The following ADAMTSL1 variants were observed in gnomAD, a reference collection of about 807,000 sequenced individuals.
The protein encoded by ADAMTSL1 is ADAMTS-like protein 1.
Under a neutral mutation model 201.8 loss-of-function variants are expected in ADAMTSL1, and 126 were observed. The observed-to-expected ratio is 0.62, with a 90% CI of 0.54 to 0.72. The LOEUF (loss-of-function observed/expected upper bound fraction) is 0.72, where lower values mean the gene tolerates loss of function less well. ADAMTSL1 is among the 30% of genes least tolerant of loss of function. The probability of loss-of-function intolerance (pLI) is 0.00; values close to 1 mark genes in which losing one functional copy is unlikely to be tolerated. For synonymous variants in ADAMTSL1, 1,121 were observed against 903.4 expected (o/e 1.24, Z -4.32); for missense variants, 2,679 against 2,277.8 (o/e 1.18, Z -3.59).
intron 1 of ADAMTSL1, among the ~76,000 whole-genome samples, chr9:18,134,271 T>C (rs1196275164): frequency 6.6e-6 from 1 of 152,160 alleles, no homozygotes; most frequent in African/African-American, 2.4e-5. Context: ...GGATGTCCGG[T>C]GTGCTGCTAC....
chr9:18,087,530 T>C (rs1823819376), intron 1 of ADAMTSL1, among the ~76,000 whole-genome samples: 1 of 152,130 alleles, frequency 6.6e-6, no homozygotes, highest in Non-Finnish European at 1.5e-5. Context: ...AAATGTACTT[T>C]CTTATTAATA....
intron 19 of ADAMTSL1, among the ~76,000 whole-genome samples, chr9:18,785,663 A>G (rs1429531151): frequency 6.6e-6 from 1 of 152,222 alleles, no homozygotes; most frequent in Non-Finnish European, 1.5e-5. Context: ...AGCTAACTCC[A>G]GTCTGCTTTT....
intron 2 of ADAMTSL1, among the ~76,000 whole-genome samples, chr9:18,182,333 T>C (rs1219470032): frequency 6.6e-6 from 1 of 150,724 alleles, no homozygotes; most frequent in East Asian, 1.9e-4. Flanking sequence ...TTACACAATA[T>C]ACTAAAAACT....
At chr9:18,638,383 T>C (rs1827231753) in intron 6 of ADAMTSL1, among the ~76,000 whole-genome samples, 1 of 152,104 alleles carries the variant, frequency 6.6e-6, no homozygotes, top group Non-Finnish European at 1.5e-5. Context: ...AAACCAAACG[T>C]TCTTGTCAAG....
intron 25 of ADAMTSL1, 115 bp downstream of exon 25, chr9:18,889,863 G>A (rs2131549063): frequency 3.7e-6 from 4 of 1,091,984 alleles, no homozygotes; most frequent in Admixed American, 3.7e-5. Flanking sequence ...GCCAGCCAAG[G>A]AGCTGTTCTT....
At chr9:17,931,969 T>A (rs191965900) in intron 1 of ADAMTSL1, among the ~76,000 whole-genome samples, 1 of 152,292 alleles carries the variant, frequency 6.6e-6, no homozygotes, top group Non-Finnish European at 1.5e-5. Flanking sequence ...AAGACCGCAA[T>A]GTAGAGGCTG....
chr9:18,475,045 A>AACATTT (rs1036588225), intron 1 of ADAMTSL1, among the ~76,000 whole-genome samples: 7 of 152,166 alleles, frequency 4.6e-5, no homozygotes, highest in African/African-American at 1.7e-4. Context: ...GCAGAAAATG[A>AACATTT]ACATTTACTG....
At chr9:18,217,562 T>A (rs879672734) in intron 2 of ADAMTSL1, among the ~76,000 whole-genome samples, 5 of 152,156 alleles carry the variant, frequency 3.3e-5, no homozygotes, top group Admixed American at 1.3e-4. Context: ...ATCTCCCTAC[T>A]TCCTACCATC....
At chr9:18,433,766 A>C (rs1206923454) in intron 2 of ADAMTSL1, among the ~76,000 whole-genome samples, 3 of 152,202 alleles carry the variant, frequency 2.0e-5, no homozygotes, top group African/African-American at 2.4e-5. Context: ...GTAGACTAGG[A>C]AAGTTTTCAA....
chr9:18,888,181 C>G, intron 24 of ADAMTSL1, 138 bp downstream of exon 24: 1 of 877,348 alleles, frequency 1.1e-6, no homozygotes, highest in Non-Finnish European at 1.7e-6. Flanking sequence ...GCCATGTTTC[C>G]ATACAGTGAG....
At chr9:18,363,191 T>C (rs938547501) in intron 2 of ADAMTSL1, among the ~76,000 whole-genome samples, 4 of 152,214 alleles carry the variant, frequency 2.6e-5, no homozygotes, top group Non-Finnish European at 5.9e-5. Context: ...GAAAAGTTAG[T>C]ACCTTTCTGT....
chr9:18,251,354 A>G (rs184708776), intron 2 of ADAMTSL1, among the ~76,000 whole-genome samples: 1 of 152,284 alleles, frequency 6.6e-6, no homozygotes, highest in Admixed American at 6.5e-5. Flanking sequence ...TCTAGACAAG[A>G]AAGTTTTATC....
intron 2 of ADAMTSL1, among the ~76,000 whole-genome samples, chr9:18,363,676 A>G (rs1028063828): frequency 6.6e-6 from 1 of 152,222 alleles, no homozygotes; most frequent in Non-Finnish European, 1.5e-5. Context: ...CATGATATAT[A>G]AAGGCAATAA....
intron 23 of ADAMTSL1, among the ~76,000 whole-genome samples, chr9:18,831,416 G>T (rs1007026130): frequency 6.6e-6 from 1 of 152,158 alleles, no homozygotes; most frequent in African/African-American, 2.4e-5. Flanking sequence ...TCACAAGCAG[G>T]GTGGCAGCAA....
intron 2 of ADAMTSL1, among the ~76,000 whole-genome samples, chr9:18,278,798 C>G (rs1832681446): frequency 6.6e-6 from 1 of 152,128 alleles, no homozygotes; most frequent in African/African-American, 2.4e-5. Flanking sequence ...CAAATTTTGA[C>G]TTGCTTAGTG....
intron 2 of ADAMTSL1, among the ~76,000 whole-genome samples, chr9:18,325,739 C>T (rs1834804930): frequency 6.7e-6 from 1 of 150,100 alleles, no homozygotes; most frequent in Admixed American, 6.6e-5. Context: ...TTTAAAAGGA[C>T]CTTTGTTTTT....
rs568780149 is a variant in ADAMTSL1 at position 18,250,031 on chromosome 9, C to G, written c.207+86050C>G. On this transcript the variant is annotated intron_variant, in intron 2 of 29. Transcript: ENST00000680146. ...CCTGTAATAAATACTATCTAATTTC[C>G]TGCCCCTTTGTATGTAAGTGTGAAT... Among the ~76,000 whole-genome samples the G allele has an allele frequency of 5.9e-5, 9 of 152,298 alleles. No homozygotes were observed. The South Asian group carries it at 1.7e-3, about 28-fold the overall frequency.
chr9:18,024,451 G>T (rs915371239), intron 1 of ADAMTSL1, among the ~76,000 whole-genome samples: 15 of 151,820 alleles, frequency 9.9e-5, no homozygotes, highest in African/African-American at 3.6e-4. Flanking sequence ...AGTGTCTATT[G>T]TTCCCATCTT....
At chr9:18,751,154 C>T (rs1450765882) in intron 15 of ADAMTSL1, among the ~76,000 whole-genome samples, 1 of 152,186 alleles carries the variant, frequency 6.6e-6, no homozygotes, top group East Asian at 1.9e-4. Context: ...AAACCAATAA[C>T]ACCACAATGT....
Sources: gnomAD v4.1 joint callset for allele counts (sites outside exome capture counted in the v4.1 genomes callset) on GRCh38, gnomAD v4.1.1 for gene constraint, MANE v1.5 for transcripts, NCBI Gene and HGNC (gene_info 2026-07-23, HGNC 2026-07-21) for gene names.